Variants in C16orf89 observed in about 807,000 individuals in gnomAD.
C16orf89 encodes the protein UPF0764 protein C16orf89.
C16orf89 carries 57 observed loss-of-function variants against 41.5 expected under a neutral mutation model. That is an observed-to-expected ratio of 1.38 (90% confidence interval 1.11 to 1.71). The LOEUF is 1.71. Ranked by LOEUF, C16orf89 falls within the 40% of genes most tolerant of loss-of-function variation. The probability of loss-of-function intolerance (pLI) is 0.00; values close to 1 mark genes in which losing one functional copy is unlikely to be tolerated. For missense variants in C16orf89, 575 were observed against 445.9 expected (o/e 1.29, Z -2.61); for synonymous variants, 223 against 190.6 (o/e 1.17, Z -1.40).
chr16:5,053,541 G>GT (rs550610070), intron 6 of C16orf89, among the ~76,000 whole-genome samples: 2,631 of 141,530 alleles, frequency 0.019, 36 homozygotes, highest in African/African-American at 0.052. Context: ...ACAATTTGTG[G>GT]TTTTTTTTTT....
rs1216516390 is a variant in C16orf89, at chr16:5,065,878, A to G, written c.31T>C (p.Leu11=). MASLGLLLLL[L]LTALPPLWSS... ...CACAGCGGTGGCAGTGCTGTCAGTA[A>G]GAGCAGGAGCAGCAGCCCCAGGCTG... is the stretch of plus-strand genomic sequence containing the variant. The change falls in exon 1 of 8, where the codon TTA becomes CTA. Residue 11 remains leucine (L), a synonymous_variant. Transcript: ENST00000472572. 1 of 1,614,142 alleles carries G rather than the reference A, an allele frequency of 6.2e-7. No homozygotes were observed. Among genetic ancestry groups the G allele is most frequent in the South Asian group, 1.1e-5 (1 of 91,070 alleles).
intron 6 of C16orf89, 36 bp downstream of exon 6, chr16:5,055,209 TG>T (rs1221226191): frequency 8.8e-7 from 1 of 1,140,208 alleles, no homozygotes; most frequent in African/African-American, 1.6e-5. Flanking sequence ...CCACCCCCAC[TG>T]CCCCCCTTCT....
At chr16:5,054,432 C>G (rs1956452469) in intron 6 of C16orf89, among the ~76,000 whole-genome samples, 1 of 152,184 alleles carries the variant, frequency 6.6e-6, no homozygotes, top group Non-Finnish European at 1.5e-5. Context: ...AGTCACCCAC[C>G]TGGAGAGCCT....
chr16:5,055,331 G>C lies in C16orf89; in HGVS notation c.783C>G (p.Gly261=). ...FMENIMFCGM[G]GFSDFYKLRW... is the part of the protein sequence containing the mutation. ...GGAGCTTGTAGAAGTCGGAGAAGCC[G>C]CCCATTCCACAGAACATGACTGGAA... Residue 261 remains glycine (G), a synonymous_variant, in exon 6 of 8, where the codon GGC becomes GGG. Coordinates refer to ENST00000472572, the MANE Select transcript of C16orf89 (RefSeq NM_001098514.3). 1 of 1,611,872 alleles carries C rather than the reference G, an allele frequency of 6.2e-7. No homozygotes were observed. Among genetic ancestry groups the C allele is most frequent in the Non-Finnish European group, 8.5e-7 (1 of 1,178,882 alleles).
In C16orf89 at chr16:5,062,473, G is replaced by A. The variant is rs199813021; in HGVS notation, c.310C>T (p.Gln104Ter). The change falls in exon 2 of 8, where the codon CAG (glutamine) becomes TAG (stop). Residue 104 changes from glutamine to a stop codon, truncating the protein, a stop_gained. Transcript: ENST00000472572. LOFTEE classifies it high-confidence loss of function. The stretch of plus-strand genomic sequence containing the variant: ...AGCTTGAGGTAGTGGAGGGATCTCT[G>A]GATGGCAGCCTCCAGCTTCTCCCCC... ...MLGEKLEAAI[Q>*]RSLHYLKLSD... 5 of 1,614,078 alleles carry A rather than the reference G, an allele frequency of 3.1e-6. No individual in the cohort carries two copies. In the East Asian group the frequency reaches 8.9e-5, roughly 29 times the overall value.
chr16:5,058,341 C>T, intron 4 of C16orf89, 152 bp downstream of exon 4: 1 of 598,802 alleles, frequency 1.7e-6, no homozygotes. Flanking sequence ...CCATGTTGGC[C>T]CAGCTGGTTT....
At chr16:5,058,294 AT>A (rs978866998) in intron 4 of C16orf89, among the ~76,000 whole-genome samples, 198 bp downstream of exon 4, 3 of 148,892 alleles carry the variant, frequency 2.0e-5, no homozygotes, top group Non-Finnish European at 1.5e-5. Flanking sequence ...CGTCCAGCTA[AT>A]TTTTTTTTTG....
intron 6 of C16orf89, among the ~76,000 whole-genome samples, chr16:5,054,026 TC>T (rs1956444014): frequency 1.3e-5 from 2 of 152,178 alleles, no homozygotes; most frequent in South Asian, 4.1e-4. Context: ...AAATGCAAGT[TC>T]CACAGCCCCA....
Position 5,060,443 on chromosome 16 carries a change from G to A in C16orf89, c.359-7C>T. Reference sequence around the variant, plus strand: ...TGGAGGGTCAGCTGGAACTCTGGCAGAGAGGACAGATAGATGGGGTGGGGT... The same window carrying A: ...TGGAGGGTCAGCTGGAACTCTGGCAAAGAGGACAGATAGATGGGGTGGGGT... On this transcript the variant is annotated splice_polypyrimidine_tract_variant and splice_region_variant and intron_variant, in intron 2 of 7. Coordinates refer to ENST00000472572, the MANE Select transcript of C16orf89 (RefSeq NM_001098514.3). 1 of 1,610,648 alleles carries A rather than the reference G, an allele frequency of 6.2e-7. No homozygotes were observed. The highest frequency in any genetic ancestry group is 8.5e-7 in the Non-Finnish European group (1 of 1,178,274).
intron 1 of C16orf89, among the ~76,000 whole-genome samples, chr16:5,064,091 C>T (rs113982841): frequency 0.026 from 3,988 of 152,132 alleles, 165 homozygotes; most frequent in African/African-American, 0.088. Flanking sequence ...CACCACTGCA[C>T]TGCAGCCTGG....
At chr16:5,044,080 CAAGGTTGTCCTCA>C, downstream of C16orf89, 1 of 1,107,394 alleles carries the variant, frequency 9.0e-7, no homozygotes, top group Non-Finnish European at 1.1e-6. Flanking sequence ...AGAGGTTGTC[CAAGGTTGTCCTCA>C]AAGCTGAGAA....
chr16:5,059,618 A>G (rs532587005), intron 3 of C16orf89, among the ~76,000 whole-genome samples: 1 of 152,288 alleles, frequency 6.6e-6, no homozygotes, highest in South Asian at 2.1e-4. Context: ...CACTTTGCCC[A>G]TGGGCCCTGC....
At chr16:5,048,422 ATTCCGGAAGT>A (rs540013387) in intron 6 of C16orf89, among the ~76,000 whole-genome samples, 40 of 152,322 alleles carry the variant, frequency 2.6e-4, no homozygotes, top group Admixed American at 2.4e-3. Context: ...ACTTGAGGCT[ATTCCGGAAGT>A]TTCCTCCTGC....
chr16:5,055,221 T>C, intron 6 of C16orf89, 25 bp downstream of exon 6: 1 of 1,555,154 alleles, frequency 6.4e-7, no homozygotes, highest in Non-Finnish European at 8.8e-7. Flanking sequence ...CCCCCCTTCT[T>C]AGCCAGGGCA....
In C16orf89 at chr16:5,044,454, G is replaced by T. The variant is rs762534399; in HGVS notation, c.980C>A (p.Ala327Asp). Residue 327 changes from alanine to aspartate, a missense_variant, in exon 8 of 8, where the codon GCC becomes GAC. By Grantham distance (126) the Ala-to-Asp change is moderately radical. Coordinates refer to ENST00000472572, the MANE Select transcript of C16orf89 (RefSeq NM_001098514.3). ...GCCACCCAGGGCTGCCACTGCTGTG[G>T]CTGTGTTGTGGGAGGAGCAGCCATC... ...FPDGCSSHNT[A>D]TAVAALGGFL... The T allele has an allele frequency of 6.2e-7, 1 of 1,612,952 alleles. No homozygotes were observed. Among genetic ancestry groups the T allele is most frequent in the Non-Finnish European group, 8.5e-7 (1 of 1,179,554 alleles).
chr16:5,065,335 C>T (rs1321083023), intron 1 of C16orf89, among the ~76,000 whole-genome samples: 2 of 152,160 alleles, frequency 1.3e-5, no homozygotes, highest in East Asian at 1.9e-4. Context: ...TGTCCACAGC[C>T]ACCTCATTCA....
intron 6 of C16orf89, among the ~76,000 whole-genome samples, chr16:5,049,280 G>A (rs1428124609): frequency 6.6e-6 from 1 of 152,202 alleles, no homozygotes; most frequent in Non-Finnish European, 1.5e-5. Context: ...CTTGCTCTCA[G>A]CATTGGACAG....
At chr16:5,045,118 C>T (rs921268933) in intron 7 of C16orf89, among the ~76,000 whole-genome samples, 2 of 152,224 alleles carry the variant, frequency 1.3e-5, no homozygotes, top group South Asian at 2.1e-4. Context: ...GGCCTGAGGC[C>T]GCATCCTGTC....
At chr16:5,046,117 TCTC>T (rs1235843225) in intron 7 of C16orf89, among the ~76,000 whole-genome samples, 1 of 152,092 alleles carries the variant, frequency 6.6e-6, no homozygotes, top group Non-Finnish European at 1.5e-5. Context: ...TTCTCTCCCT[TCTC>T]CTGCGTGACT....
Sources: gnomAD v4.1 joint callset for allele counts (sites outside exome capture counted in the v4.1 genomes callset) on GRCh38, gnomAD v4.1.1 for gene constraint, MANE v1.5 for transcripts, NCBI Gene and HGNC (gene_info 2026-07-23, HGNC 2026-07-21) for gene names.